Variants in RORA observed in about 807,000 individuals in gnomAD.
The protein encoded by RORA is RAR related orphan receptor A.
A neutral mutation model predicts 69.5 loss-of-function variants in RORA; 7 were observed. The observed-to-expected ratio is 0.10, with a 90% CI of 0.06 to 0.19. The LOEUF is 0.19. Ranked by LOEUF, RORA falls within the 10% of genes least tolerant of loss-of-function variation. The pLI, the probability that RORA is intolerant of heterozygous loss-of-function variation, is 1.00. For synonymous variants in RORA, 261 were observed against 240.8 expected (o/e 1.08, Z -0.78); for missense variants, 457 against 663.0 (o/e 0.69, Z 3.41).
At chr15:60,631,263 G>A (rs576050032) in intron 2 of RORA, among the ~76,000 whole-genome samples, 2 of 152,252 alleles carry the variant, frequency 1.3e-5, no homozygotes, top group African/African-American at 4.8e-5. Context: ...GTGACTGACC[G>A]CTAAAACTGC....
At chr15:60,887,103 G>A (rs2073759617) in intron 1 of RORA, among the ~76,000 whole-genome samples, 1 of 151,858 alleles carries the variant, frequency 6.6e-6, no homozygotes, top group East Asian at 1.9e-4. Flanking sequence ...GAAGAAAGCT[G>A]GTTTCTTTGT....
chr15:60,754,269 T>A (rs1205650775), intron 1 of RORA, among the ~76,000 whole-genome samples: 1 of 152,220 alleles, frequency 6.6e-6, no homozygotes, highest in Non-Finnish European at 1.5e-5. Flanking sequence ...TTTGTTTACA[T>A]CATTGTTTCA....
At chr15:61,179,991 A>C (rs1435123071) in intron 1 of RORA, among the ~76,000 whole-genome samples, 2 of 151,484 alleles carry the variant, frequency 1.3e-5, no homozygotes, top group Admixed American at 6.6e-5. Context: ...AAAACAAAAA[A>C]AAAATAGCTG....
intron 1 of RORA, among the ~76,000 whole-genome samples, chr15:60,746,143 C>T (rs1452800964): frequency 1.3e-5 from 2 of 152,140 alleles, no homozygotes; most frequent in East Asian, 3.8e-4. Context: ...ATGTGTCCAA[C>T]ACAGTCTCTG....
intron 3 of RORA, among the ~76,000 whole-genome samples, chr15:60,516,173 TTATA>T (rs1208453743): frequency 1.7e-4 from 6 of 34,724 alleles, no homozygotes; most frequent in Non-Finnish European, 3.1e-4. Flanking sequence ...ATATATATAT[TTATA>T]TATATATTTA....
chr15:61,005,348 C>A (rs1419635050), intron 1 of RORA, among the ~76,000 whole-genome samples: 1 of 152,096 alleles, frequency 6.6e-6, no homozygotes. Flanking sequence ...GTCGTGGTGG[C>A]AGGCGCCTGT....
At chr15:60,961,647 A>G (rs765421581) in intron 1 of RORA, among the ~76,000 whole-genome samples, 13 of 152,164 alleles carry the variant, frequency 8.5e-5, no homozygotes, top group Non-Finnish European at 1.8e-4. Context: ...GGAAAGGAGG[A>G]GGGAGGAAGA....
intron 1 of RORA, chr15:61,182,894 T>A (rs75931482): frequency 6.6e-6 from 1 of 152,230 alleles, no homozygotes; most frequent in African/African-American, 2.4e-5. Context: ...AGAACCCAAA[T>A]TGGGGGGCCT....
At chr15:60,982,876 T>TG (rs1441200949) in intron 1 of RORA, among the ~76,000 whole-genome samples, 3 of 152,192 alleles carry the variant, frequency 2.0e-5, no homozygotes, top group Non-Finnish European at 4.4e-5. Context: ...GGTGAACTTT[T>TG]GGGATTCCTT....
At chr15:60,653,162 G>A (rs879442772) in intron 2 of RORA, among the ~76,000 whole-genome samples, 26 of 152,194 alleles carry the variant, frequency 1.7e-4, no homozygotes, top group Admixed American at 1.7e-3. Context: ...TGACCTATGA[G>A]CCTGCAGACA....
At chr15:60,539,335 T>G (rs577178422) in intron 2 of RORA, among the ~76,000 whole-genome samples, 1 of 152,334 alleles carries the variant, frequency 6.6e-6, no homozygotes, top group South Asian at 2.1e-4. Flanking sequence ...AGATTAAGCT[T>G]TCTAGAGAAA....
intron 1 of RORA, among the ~76,000 whole-genome samples, chr15:61,077,204 T>C (rs2078464564): frequency 6.8e-6 from 1 of 147,026 alleles, no homozygotes; most frequent in South Asian, 2.2e-4. Flanking sequence ...CAAGGGGGAA[T>C]ATATTAATAC....
At chr15:60,843,245 G>A (rs79897062) in intron 1 of RORA, among the ~76,000 whole-genome samples, 131 of 152,270 alleles carry the variant, frequency 8.6e-4, no homozygotes, top group African/African-American at 2.9e-3. Context: ...AAGCAGAGAC[G>A]CTCCCTGGTC....
intron 1 of RORA, among the ~76,000 whole-genome samples, chr15:60,845,137 G>C (rs1005218087): frequency 6.6e-6 from 1 of 152,180 alleles, no homozygotes; most frequent in Non-Finnish European, 1.5e-5. Context: ...GGTTGAGAAG[G>C]TGAGACTAGT....
rs1474222352 is a variant in RORA, at chr15:61,013,836, T to G, written c.166+215217A>C. Among the ~76,000 whole-genome samples the G allele has an allele frequency of 6.1e-5, 8 of 130,160 alleles. No homozygotes were observed. The East Asian group carries it at 1.9e-3, about 31-fold the overall frequency. 85.4% of individuals were successfully genotyped at this position (130,160 alleles called of 152,430 possible). A position where few individuals can be genotyped will look rare whatever the true frequency, so the allele number is the denominator to read the frequency against. ...TCTCGCTCGGTTGCCCAGGCTGGAGTGCAGTGGCGCAATTTCGGCTCACTG... is the reference window on the plus strand; with the variant it reads ...TCTCGCTCGGTTGCCCAGGCTGGAGGGCAGTGGCGCAATTTCGGCTCACTG... On this transcript the variant is annotated intron_variant, in intron 1 of 10. Coordinates refer to ENST00000335670, the MANE Select transcript of RORA (RefSeq NM_134261.3).
chr15:61,000,123 G>GAT (rs924792186), intron 1 of RORA, among the ~76,000 whole-genome samples: 1 of 152,006 alleles, frequency 6.6e-6, no homozygotes, highest in Admixed American at 6.6e-5. Context: ...AAAATTATAG[G>GAT]ATATACTTAG....
At chr15:61,054,377 G>C (rs1003397317) in intron 1 of RORA, among the ~76,000 whole-genome samples, 6 of 151,896 alleles carry the variant, frequency 4.0e-5, no homozygotes, top group African/African-American at 1.5e-4. Context: ...AGTTAGCACA[G>C]CTATACTCTT....
intron 1 of RORA, among the ~76,000 whole-genome samples, chr15:61,123,939 C>T (rs2079123010): frequency 6.6e-6 from 1 of 152,224 alleles, no homozygotes; most frequent in African/African-American, 2.4e-5. Flanking sequence ...GAGCAATTCA[C>T]TTCAGCCTGC....
chr15:60,521,821 C>T (rs1034553030), intron 3 of RORA, among the ~76,000 whole-genome samples: 1 of 152,176 alleles, frequency 6.6e-6, no homozygotes, highest in Non-Finnish European at 1.5e-5. Flanking sequence ...CCCTACATAT[C>T]CACCTTTTGT....
Sources: gnomAD v4.1 joint callset for allele counts (sites outside exome capture counted in the v4.1 genomes callset) on GRCh38, gnomAD v4.1.1 for gene constraint, MANE v1.5 for transcripts, NCBI Gene and HGNC (gene_info 2026-07-23, HGNC 2026-07-21) for gene names.